NCAM2: variants seen among roughly 807,000 people sequenced by gnomAD.
The protein encoded by NCAM2 is N-CAM-2.
A neutral mutation model predicts 98.1 loss-of-function variants in NCAM2; 30 were observed. The ratio of observed to expected loss-of-function variants is 0.31; its 90% CI spans 0.23 to 0.41. The LOEUF (loss-of-function observed/expected upper bound fraction) is 0.41, where lower values mean the gene tolerates loss of function less well. Ranked by LOEUF, NCAM2 falls within the 10% of genes least tolerant of loss-of-function variation. The pLI is 1.00. For missense variants in NCAM2, 867 were observed against 1,005.8 expected (o/e 0.86, Z 1.87); for synonymous variants, 368 against 342.4 (o/e 1.07, Z -0.83).
At chr21:21,028,745 T>C (rs2064606294) in intron 1 of NCAM2, among the ~76,000 whole-genome samples, 1 of 152,246 alleles carries the variant, frequency 6.6e-6, no homozygotes, top group South Asian at 2.1e-4. Flanking sequence ...TTGTCTATTA[T>C]ATTCTAATAC....
intron 1 of NCAM2, among the ~76,000 whole-genome samples, chr21:21,187,959 T>C (rs1238561291): frequency 2.6e-5 from 4 of 152,228 alleles, no homozygotes. Flanking sequence ...ATGATACATG[T>C]GATTCTCACT....
chr21:21,160,830 A>G lies in NCAM2; in HGVS notation c.56-119748A>G, dbSNP rs558155628. On this transcript the variant is annotated intron_variant, in intron 1 of 17. Coordinates refer to ENST00000400546, the MANE Select transcript of NCAM2 (RefSeq NM_004540.5). The stretch of plus-strand genomic sequence containing the variant: ...GTGAAAACAAGGACCCAATATCATA[A>G]TTTTGATATGCAATGACATTCTGCT... Among the ~76,000 whole-genome samples, 61 of 152,138 alleles carry G rather than the reference A, an allele frequency of 4.0e-4. No individual in the cohort carries two copies. The South Asian group carries it at 0.013, about 32-fold the overall frequency.
chr21:21,390,459 A>G (rs2826825), intron 9 of NCAM2, among the ~76,000 whole-genome samples: 55,992 of 151,924 alleles, frequency 0.37, 10,589 homozygotes, highest in East Asian at 0.58. Context: ...AGCTGAGAAT[A>G]GACTGAAAGG....
intron 1 of NCAM2, among the ~76,000 whole-genome samples, chr21:21,115,955 T>C (rs1433921328): frequency 1.5e-5 from 1 of 67,876 alleles, no homozygotes; most frequent in Non-Finnish European, 3.0e-5. Flanking sequence ...TTCTCTGAGA[T>C]TTTGTGTGTG....
intron 1 of NCAM2, among the ~76,000 whole-genome samples, chr21:21,189,736 G>A (rs1292030907): frequency 2.0e-5 from 3 of 152,112 alleles, no homozygotes; most frequent in African/African-American, 4.8e-5. Context: ...TGAATTTGTT[G>A]GATATGTTTA....
chr21:21,198,975 T>A (rs539735056), intron 1 of NCAM2, among the ~76,000 whole-genome samples: 4 of 152,298 alleles, frequency 2.6e-5, no homozygotes, highest in South Asian at 4.1e-4. Context: ...TATGTAGGGT[T>A]ACCTTCTGTT....
intron 1 of NCAM2, among the ~76,000 whole-genome samples, chr21:21,255,736 G>C (rs1193870147): frequency 6.6e-6 from 1 of 152,052 alleles, no homozygotes; most frequent in African/African-American, 2.4e-5. Context: ...CTAAATATTT[G>C]TTAAATAAAC....
At chr21:21,233,046 T>TA (rs1037615300) in intron 1 of NCAM2, among the ~76,000 whole-genome samples, 55 of 151,764 alleles carry the variant, frequency 3.6e-4, no homozygotes, top group East Asian at 1.4e-3. Context: ...TTCTATTTTT[T>TA]AAAAAAATTC....
intron 12 of NCAM2, among the ~76,000 whole-genome samples, chr21:21,449,476 T>G (rs1980693419): frequency 6.6e-6 from 1 of 151,986 alleles, no homozygotes; most frequent in Non-Finnish European, 1.5e-5. Flanking sequence ...AGCTTTTAAG[T>G]CCCTAATCCC....
At chr21:21,488,661 G>C (rs1487839222) in intron 15 of NCAM2, among the ~76,000 whole-genome samples, 1 of 151,740 alleles carries the variant, frequency 6.6e-6, no homozygotes, top group Non-Finnish European at 1.5e-5. Context: ...ATTTGAGTTT[G>C]TAGTAATTAA....
At chr21:21,018,221 A>G (rs1032075354) in intron 1 of NCAM2, among the ~76,000 whole-genome samples, 4 of 152,090 alleles carry the variant, frequency 2.6e-5, no homozygotes, top group African/African-American at 7.2e-5. Context: ...TCTCCCCACT[A>G]TTTTTTCAAA....
rs770703391 is a variant in NCAM2, at chr21:21,537,880, G to A, written c.2437G>A (p.Ala813Thr). The change falls in exon 18 of 18, where the codon GCT (alanine) becomes ACT (threonine). Residue 813 changes from alanine (A) to threonine (T), a missense_variant. By Grantham distance (58) the Ala-to-Thr change is moderately conservative. Coordinates refer to ENST00000400546, the MANE Select transcript of NCAM2 (RefSeq NM_004540.5). ...LPLKEEDGKE[A>T]LNPETIEIKV... is the part of the protein sequence containing the mutation. ...TTTAAAGGAAGAAGATGGGAAAGAA[G>A]CTCTAAATCCAGAAACTATAGAAAT... 3.2e-6 allele frequency: 5 copies of A among 1,575,086 alleles called. No individual in the cohort carries two copies. The highest frequency in any genetic ancestry group is 4.3e-6 in the Non-Finnish European group (5 of 1,160,222).
In NCAM2 at chr21:21,035,550, T is replaced by TA. The variant is rs199509513; in HGVS notation, c.55+36933dup. On this transcript the variant is annotated intron_variant, in intron 1 of 17. Transcript: ENST00000400546. ...AAATCATTTCAGTCCTTCATTAGTTTAGTGCTGTGTAATTAATTCTTGTTC... is the reference window on the plus strand; with the variant it reads ...AAATCATTTCAGTCCTTCATTAGTTTAAGTGCTGTGTAATTAATTCTTGTTC... Among the ~76,000 whole-genome samples the TA allele has an allele frequency of 7.9e-3, 1,201 of 152,304 alleles. 7 individuals are homozygous for TA. The highest frequency in any genetic ancestry group is 0.028 in the African/African-American group (1,156 of 41,574).
At chr21:21,187,383 T>G (rs1601597417) in intron 1 of NCAM2, among the ~76,000 whole-genome samples, 1 of 152,260 alleles carries the variant, frequency 6.6e-6, no homozygotes, top group South Asian at 2.1e-4. Context: ...CACATACTTT[T>G]TAACGTTTCT....
At chr21:21,415,808 T>C (rs946096699) in intron 10 of NCAM2, among the ~76,000 whole-genome samples, 1 of 152,224 alleles carries the variant, frequency 6.6e-6, no homozygotes, top group Admixed American at 6.5e-5. Flanking sequence ...TTCATTGAAT[T>C]GAGGCATGTT....
At chr21:21,063,195 G>GTTTATCT (rs1421810735) in intron 1 of NCAM2, among the ~76,000 whole-genome samples, 1 of 110,966 alleles carries the variant, frequency 9.0e-6, no homozygotes, top group African/African-American at 3.5e-5. Flanking sequence ...TCATAGCACT[G>GTTTATCT]TTTATCTTTA....
chr21:21,053,764 C>G (rs912040511), intron 1 of NCAM2, among the ~76,000 whole-genome samples: 1 of 150,876 alleles, frequency 6.6e-6, no homozygotes, highest in South Asian at 2.1e-4. Flanking sequence ...CATCTTTTAT[C>G]CATCTTAATT....
chr21:21,477,583 C>T (rs1348218422), intron 15 of NCAM2, 112 bp downstream of exon 15: 9 of 902,072 alleles, frequency 1.0e-5, no homozygotes, highest in Non-Finnish European at 1.3e-5. Flanking sequence ...ATGTAAATTC[C>T]AGGTTCTAAT....
At chr21:21,295,175 A>T (rs1238889659) in intron 5 of NCAM2, among the ~76,000 whole-genome samples, 1 of 151,842 alleles carries the variant, frequency 6.6e-6, no homozygotes, top group African/African-American at 2.4e-5. Context: ...GCCTTGTAGG[A>T]GGACCTGCCC....
Sources: allele counts gnomAD v4.1 joint callset (sites outside exome capture counted in the v4.1 genomes callset), GRCh38; gene constraint gnomAD v4.1.1; transcripts MANE v1.5; gene names NCBI Gene and HGNC (gene_info 2026-07-23, HGNC 2026-07-21).